TTC1: variants seen among roughly 807,000 people sequenced by gnomAD.
The protein encoded by TTC1 is tetratricopeptide repeat protein 1.
Under a neutral mutation model 37.6 loss-of-function variants are expected in TTC1, and 31 were observed. The observed-to-expected ratio is 0.82, with a 90% CI of 0.62 to 1.11. The LOEUF (loss-of-function observed/expected upper bound fraction) is 1.11, where lower values mean the gene tolerates loss of function less well. Ranked by LOEUF, TTC1 falls within the 50% of genes most tolerant of loss-of-function variation. The probability of loss-of-function intolerance (pLI) is 0.00; values close to 1 mark genes in which losing one functional copy is unlikely to be tolerated. For missense variants in TTC1, 351 were observed against 339.0 expected (o/e 1.04, Z -0.28); for synonymous variants, 127 against 122.4 (o/e 1.04, Z -0.25).
At chr5:160,050,245 C>G (rs1432540098) in intron 6 of TTC1, among the ~76,000 whole-genome samples, 1 of 152,106 alleles carries the variant, frequency 6.6e-6, no homozygotes, top group Non-Finnish European at 1.5e-5. Flanking sequence ...GTCGGGAGTT[C>G]GAGACCAGCC....
At chr5:160,042,217 G>T (rs187949584) in intron 4 of TTC1, among the ~76,000 whole-genome samples, 1 of 152,188 alleles carries the variant, frequency 6.6e-6, no homozygotes, top group Non-Finnish European at 1.5e-5. Flanking sequence ...GGCATGAGCC[G>T]CTGCGTCCAG....
At chr5:160,021,176 A>AC (rs1241496604) in intron 2 of TTC1, among the ~76,000 whole-genome samples, 3 of 152,178 alleles carry the variant, frequency 2.0e-5, no homozygotes, top group African/African-American at 7.2e-5. Flanking sequence ...AGTGTCTGAC[A>AC]CCACACACCT....
chr5:160,009,414 G>A (rs1437141438), intron 1 of TTC1, among the ~76,000 whole-genome samples: 3 of 152,066 alleles, frequency 2.0e-5, no homozygotes, highest in African/African-American at 7.2e-5. Context: ...ACATACTAGG[G>A]CAAATTCAGA....
chr5:160,027,712 C>T (rs534460703), intron 2 of TTC1, among the ~76,000 whole-genome samples: 1 of 152,250 alleles, frequency 6.6e-6, no homozygotes, highest in South Asian at 2.1e-4. Context: ...TTTCCTTCAT[C>T]TTGAGGTAGT....
At chr5:160,035,604 C>A (rs1217990831) in intron 3 of TTC1, among the ~76,000 whole-genome samples, 1 of 152,204 alleles carries the variant, frequency 6.6e-6, no homozygotes, top group African/African-American at 2.4e-5. Flanking sequence ...CCTAGGGCTG[C>A]CTGTCCTTTG....
At chr5:160,036,045 A>G (rs190688056) in intron 3 of TTC1, among the ~76,000 whole-genome samples, 1 of 150,146 alleles carries the variant, frequency 6.7e-6, no homozygotes, top group East Asian at 2.0e-4. Context: ...TATTTTTTGT[A>G]TGTTAATATT....
chr5:160,062,960 C>G lies in TTC1; in HGVS notation c.746-1972C>G, dbSNP rs866914158. Among the ~76,000 whole-genome samples, 30 of 152,338 alleles carry G rather than the reference C, an allele frequency of 2.0e-4. 1 individual carries two copies. Among genetic ancestry groups the G allele is most frequent in the Middle Eastern group, 6.8e-3 (2 of 294 alleles). ...TCCCTCTACGCCCATGTGCCCGAGG[C>G]TGTGCCGCTGCCTTGTGCAGGCACC... On this transcript the variant is annotated intron_variant, in intron 7 of 7. Transcript: ENST00000231238.
intron 2 of TTC1, among the ~76,000 whole-genome samples, chr5:160,026,132 A>C (rs1454126699): frequency 6.6e-6 from 1 of 152,228 alleles, no homozygotes; most frequent in Non-Finnish European, 1.5e-5. Context: ...GCAAGCATAC[A>C]TTCCACAGTG....
In TTC1 at chr5:160,049,526, A is replaced by T; in HGVS notation, c.554A>T (p.Asn185Ile). Residue 185 changes from asparagine to isoleucine, a missense_variant, in exon 6 of 8, where the codon AAC (asparagine) becomes ATC (isoleucine). By Grantham distance (149) the Asn-to-Ile change is moderately radical (BLOSUM62 -3). Coordinates refer to ENST00000231238, the MANE Select transcript of TTC1 (RefSeq NM_003314.3). The part of the protein sequence containing the change: ...INDCSKAIQL[N>I]PSYIRAILRR... ...TCTCTTTTTACAGCAATTCAATTAA[A>T]CCCCAGCTATATCAGGGCAATATTG... 6.4e-7 allele frequency: 1 copy of T among 1,572,080 alleles called. No homozygotes were observed. Among genetic ancestry groups the T allele is most frequent in the Non-Finnish European group, 8.6e-7 (1 of 1,166,764 alleles).
chr5:160,047,399 T>C (rs1757280774), intron 5 of TTC1, among the ~76,000 whole-genome samples: 1 of 152,224 alleles, frequency 6.6e-6, no homozygotes, highest in Non-Finnish European at 1.5e-5. Flanking sequence ...GCAAGTTCCA[T>C]GGGCTCAAAT....
At chr5:160,033,928 C>A (rs886271513) in intron 2 of TTC1, among the ~76,000 whole-genome samples, 1 of 152,152 alleles carries the variant, frequency 6.6e-6, no homozygotes, top group African/African-American at 2.4e-5. Context: ...TATTTCCTCC[C>A]TTTGAAATTA....
chr5:160,013,535 G>A (rs746001858), intron 2 of TTC1, among the ~76,000 whole-genome samples: 25 of 151,936 alleles, frequency 1.6e-4, no homozygotes, highest in Non-Finnish European at 3.4e-4. Flanking sequence ...ATGAGGTCAG[G>A]AATTCGAGAC....
intron 2 of TTC1, among the ~76,000 whole-genome samples, chr5:160,022,587 G>C (rs1756730571): frequency 6.6e-6 from 1 of 152,066 alleles, no homozygotes; most frequent in Non-Finnish European, 1.5e-5. Flanking sequence ...ATCTAATATA[G>C]TATAGGTAAT....
intron 2 of TTC1, among the ~76,000 whole-genome samples, chr5:160,021,835 A>T (rs1756715105): frequency 6.6e-6 from 1 of 152,160 alleles, no homozygotes; most frequent in African/African-American, 2.4e-5. Flanking sequence ...CACCTAGATA[A>T]GACTAAAGCA....
At chr5:160,062,608 G>T (rs1753454535) in intron 7 of TTC1, among the ~76,000 whole-genome samples, 1 of 152,172 alleles carries the variant, frequency 6.6e-6, no homozygotes, top group Admixed American at 6.5e-5. Context: ...CACTGGAGAT[G>T]GGCTTGCAGT....
intron 6 of TTC1, among the ~76,000 whole-genome samples, chr5:160,050,627 CTTTT>C (rs546426067): frequency 2.7e-5 from 3 of 109,336 alleles, no homozygotes; most frequent in Non-Finnish European, 5.5e-5. Flanking sequence ...CCAAACAAAA[CTTTT>C]TTTTTTTTTT....
chr5:160,031,814 C>A (rs1411711497), intron 2 of TTC1, among the ~76,000 whole-genome samples: 2 of 151,776 alleles, frequency 1.3e-5, no homozygotes, highest in South Asian at 2.1e-4. Context: ...CCAACCTGGC[C>A]AACACAGTAA....
At chr5:160,035,890 T>C (rs1308077950) in intron 3 of TTC1, among the ~76,000 whole-genome samples, 1 of 152,000 alleles carries the variant, frequency 6.6e-6, no homozygotes, top group Admixed American at 6.6e-5. Context: ...TATTTTCAGG[T>C]TTTTAATTTT....
intron 4 of TTC1, among the ~76,000 whole-genome samples, chr5:160,040,499 T>C (rs1757069409): frequency 6.7e-6 from 1 of 149,194 alleles, no homozygotes; most frequent in Non-Finnish European, 1.5e-5. Context: ...TTATAAACTT[T>C]TAAATTTTTT....
Sources: gnomAD v4.1 joint callset for allele counts (sites outside exome capture counted in the v4.1 genomes callset) on GRCh38, gnomAD v4.1.1 for gene constraint, MANE v1.5 for transcripts, NCBI Gene and HGNC (gene_info 2026-07-23, HGNC 2026-07-21) for gene names.